Variants in DZIP3 observed in about 807,000 individuals in gnomAD.
DZIP3 encodes E3 ubiquitin-protein ligase DZIP3.
Under a neutral mutation model 162.0 loss-of-function variants are expected in DZIP3, and 118 were observed. The observed-to-expected ratio is 0.73, with a 90% CI of 0.63 to 0.85. DZIP3 has a LOEUF of 0.85. Ranked by LOEUF, DZIP3 falls within the 40% of genes least tolerant of loss-of-function variation. The pLI is 0.00. For synonymous variants in DZIP3, 438 were observed against 458.6 expected (o/e 0.96, Z 0.57); for missense variants, 1,331 against 1,407.0 (o/e 0.95, Z 0.86).
intron 32 of DZIP3, among the ~76,000 whole-genome samples, chr3:108,693,138 G>A (rs1236050548): frequency 6.6e-6 from 1 of 150,710 alleles, no homozygotes; most frequent in Non-Finnish European, 1.5e-5. Flanking sequence ...TAGAGATAAG[G>A]AGAATGTATT....
At chr3:108,624,270 A>G (rs376784156) in intron 5 of DZIP3, among the ~76,000 whole-genome samples, 174 bp from the exon 6 acceptor site, 2 of 151,900 alleles carry the variant, frequency 1.3e-5, no homozygotes, top group Non-Finnish European at 2.9e-5. Flanking sequence ...TCCTGGGTCA[A>G]ATTATCAAAT....
intron 3 of DZIP3, among the ~76,000 whole-genome samples, chr3:108,610,483 G>C (rs1012124937): frequency 5.9e-5 from 9 of 152,186 alleles, no homozygotes; most frequent in Non-Finnish European, 1.0e-4. Flanking sequence ...CTGAAAGTGA[G>C]TTAGCCCATA....
chr3:108,644,702 T>G lies in DZIP3; in HGVS notation c.1680T>G (p.Leu560=). Reference sequence around the variant, plus strand: ...AGAATCCCATTGAGAATATCTCCCTTGATTACCATCAGCTATCTGTCTACC... The same window carrying G: ...AGAATCCCATTGAGAATATCTCCCTGGATTACCATCAGCTATCTGTCTACC... ...VKENPIENIS[L]DYHQLSVYLG... The change falls in exon 14 of 33, where the codon CTT becomes CTG. Residue 560 remains leucine (L), a synonymous_variant. Coordinates refer to ENST00000361582, the MANE Select transcript of DZIP3 (RefSeq NM_014648.4). The G allele has an allele frequency of 6.2e-7, 1 of 1,613,228 alleles. No homozygotes were observed. Among genetic ancestry groups the G allele is most frequent in the African/African-American group, 1.3e-5 (1 of 75,070 alleles).
chr3:108,608,208 T>A, intron 3 of DZIP3, 50 bp downstream of exon 3: 1 of 1,223,390 alleles, frequency 8.2e-7, no homozygotes, highest in Non-Finnish European at 1.2e-6. Context: ...GATAATTAAT[T>A]ATATATGCAA....
chr3:108,675,723 G>A (rs1944082102), intron 24 of DZIP3, 63 bp from the exon 25 acceptor site: 1 of 1,439,428 alleles, frequency 6.9e-7, no homozygotes, highest in Non-Finnish European at 9.4e-7. Flanking sequence ...TGATAGACAT[G>A]TTTGGAAACC....
intron 1 of DZIP3, among the ~76,000 whole-genome samples, chr3:108,602,207 A>G (rs1224507507): frequency 1.3e-5 from 2 of 152,228 alleles, no homozygotes; most frequent in Non-Finnish European, 2.9e-5. Flanking sequence ...AAAATTATGC[A>G]TAAGAGCTGT....
intron 25 of DZIP3, among the ~76,000 whole-genome samples, chr3:108,676,726 G>A (rs921547636): frequency 6.6e-6 from 1 of 152,004 alleles, no homozygotes. Flanking sequence ...TCAGTCTTTA[G>A]TGATGCTTAG....
chr3:108,624,460 T>A lies in DZIP3; in HGVS notation c.392T>A (p.Ile131Asn). Reference sequence around the variant, plus strand: ...TCTTTGTAGGCACACCAGATTAATATTGGTTATTATTTGACATTACTGTTT... The same window carrying A: ...TCTTTGTAGGCACACCAGATTAATAATGGTTATTATTTGACATTACTGTTT... ...AGNYTAHQIN[I>N]GYYLTLLFLY... is the part of the protein sequence containing the mutation. The change falls in exon 6 of 33, where the codon ATT (isoleucine) becomes AAT (asparagine). Residue 131 changes from isoleucine to asparagine, a missense_variant. Ile to Asn is a moderately radical substitution (Grantham distance 149). This residue lies in a region of DZIP3 where 1,278 missense variants were observed against 1,317.1 expected (regional missense o/e 0.97). Coordinates refer to ENST00000361582, the MANE Select transcript of DZIP3 (RefSeq NM_014648.4). 1 of 1,593,448 alleles carries A rather than the reference T, an allele frequency of 6.3e-7. No homozygotes were observed. Among genetic ancestry groups the A allele is most frequent in the Non-Finnish European group, 8.6e-7 (1 of 1,165,378 alleles).
At chr3:108,638,996 G>A (rs747841427) in intron 12 of DZIP3, among the ~76,000 whole-genome samples, 2 of 152,120 alleles carry the variant, frequency 1.3e-5, no homozygotes, top group African/African-American at 2.4e-5. Flanking sequence ...TCTTCAGTGT[G>A]CCATCTCAAG....
At chr3:108,622,634 A>G (rs1212961064) in intron 5 of DZIP3, among the ~76,000 whole-genome samples, 1 of 152,074 alleles carries the variant, frequency 6.6e-6, no homozygotes, top group East Asian at 1.9e-4. Flanking sequence ...CAGGTATTCA[A>G]AGGGACTTGC....
chr3:108,616,689 A>G, intron 5 of DZIP3, 32 bp downstream of exon 5: 1 of 1,446,452 alleles, frequency 6.9e-7, no homozygotes, highest in Non-Finnish European at 9.5e-7. Context: ...ATTTGATATA[A>G]TGGACTTGGT....
chr3:108,671,422 T>C (rs988844786), intron 22 of DZIP3, among the ~76,000 whole-genome samples: 12 of 151,920 alleles, frequency 7.9e-5, no homozygotes, highest in African/African-American at 2.9e-4. Context: ...ATTTGGTTTG[T>C]ATGCTTATAG....
At chr3:108,669,020 G>A (rs1943808028) in intron 21 of DZIP3, among the ~76,000 whole-genome samples, 1 of 151,928 alleles carries the variant, frequency 6.6e-6, no homozygotes, top group South Asian at 2.1e-4. Context: ...AATCTGGTAT[G>A]TGAATATATG....
rs557861174 is a variant in DZIP3, at chr3:108,639,415, G to A, written c.1064+1867G>A. Among the ~76,000 whole-genome samples the A allele has an allele frequency of 2.0e-5, 3 of 152,306 alleles. No individual in the cohort carries two copies. The East Asian group carries it at 5.8e-4, about 29-fold the overall frequency. ...ATGAACTTTGAACACTTTCTTGGGT[G>A]GTGGATCCAGTCTCAGTCCAGATCT... On this transcript the variant is annotated intron_variant, in intron 12 of 32. Coordinates refer to ENST00000361582, the MANE Select transcript of DZIP3 (RefSeq NM_014648.4).
intron 5 of DZIP3, among the ~76,000 whole-genome samples, chr3:108,622,719 T>A (rs1167271765): frequency 2.0e-5 from 3 of 152,122 alleles, no homozygotes; most frequent in Non-Finnish European, 4.4e-5. Flanking sequence ...TAACCCTGTG[T>A]CTCTTGCAGA....
intron 21 of DZIP3, among the ~76,000 whole-genome samples, chr3:108,663,913 A>C (rs1377843): frequency 6.6e-6 from 1 of 152,196 alleles, no homozygotes; most frequent in Non-Finnish European, 1.5e-5. Flanking sequence ...GACATTCATT[A>C]TGATCTAATG....
chr3:108,589,564 G>T, upstream of DZIP3: 1 of 495,700 alleles, frequency 2.0e-6, no homozygotes. Context: ...TGGGCCAGGG[G>T]TCGAGGTGAT....
chr3:108,674,636 C>G (rs901960176), intron 24 of DZIP3, among the ~76,000 whole-genome samples: 1 of 151,814 alleles, frequency 6.6e-6, no homozygotes, highest in African/African-American at 2.4e-5. Context: ...TTTTAAACAC[C>G]TACAGAATAT....
chr3:108,690,766 A>T (rs1944660515), intron 31 of DZIP3, 21 bp from the exon 32 acceptor site: 4 of 1,609,670 alleles, frequency 2.5e-6, no homozygotes, highest in Admixed American at 3.3e-5. Flanking sequence ...AGAGACTGAC[A>T]TAAATCTTTT....
Sources: gnomAD v4.1 joint callset for allele counts (sites outside exome capture counted in the v4.1 genomes callset) on GRCh38, gnomAD v4.1.1 for gene constraint, gnomAD v4.1.1 regional missense constraint, MANE v1.5 for transcripts, NCBI Gene and HGNC (gene_info 2026-07-23, HGNC 2026-07-21) for gene names.